The following RSRC1 variants were observed in gnomAD, a reference collection of about 807,000 sequenced individuals.
RSRC1 encodes serine/Arginine-related protein 53.
RSRC1 carries 39 observed loss-of-function variants against 49.1 expected under a neutral mutation model. The observed-to-expected ratio is 0.79, with a 90% CI of 0.61 to 1.04. RSRC1 has a LOEUF of 1.04. Among genes scored for constraint, RSRC1 ranks in the 50% least tolerant of loss-of-function variants. RSRC1 has a pLI of 0.00. For synonymous variants in RSRC1, 143 were observed against 130.8 expected (o/e 1.09, Z -0.63); for missense variants, 388 against 402.4 (o/e 0.96, Z 0.31).
chr3:158,392,434 A>G (rs1413835645), intron 6 of RSRC1, among the ~76,000 whole-genome samples: 2 of 152,080 alleles, frequency 1.3e-5, no homozygotes, highest in African/African-American at 2.4e-5. Context: ...CTAACATTAT[A>G]TGAGCTCCAT....
intron 4 of RSRC1, among the ~76,000 whole-genome samples, chr3:158,285,380 C>G (rs1726462191): frequency 6.6e-6 from 1 of 152,262 alleles, no homozygotes; most frequent in African/African-American, 2.4e-5. Context: ...AATGCGGGCT[C>G]TTTTTTGGTT....
intron 4 of RSRC1, among the ~76,000 whole-genome samples, chr3:158,250,481 T>C (rs752616300): frequency 6.6e-6 from 1 of 152,210 alleles, no homozygotes; most frequent in African/African-American, 2.4e-5. Context: ...GCATTTGTTA[T>C]TGTCTGTCTT....
intron 5 of RSRC1, among the ~76,000 whole-genome samples, chr3:158,321,582 A>G (rs1035230541): frequency 6.7e-6 from 1 of 150,182 alleles, no homozygotes; most frequent in Non-Finnish European, 1.5e-5. Context: ...TTTTAAACAC[A>G]CTATGTATTT....
At chr3:158,211,792 G>C (rs1721693550) in intron 4 of RSRC1, among the ~76,000 whole-genome samples, 1 of 147,162 alleles carries the variant, frequency 6.8e-6, no homozygotes, top group Non-Finnish European at 1.5e-5. Context: ...CAGAAGACTA[G>C]TACTATGTAG....
At chr3:158,316,457 T>C in intron 5 of RSRC1, among the ~76,000 whole-genome samples, 1 of 142,544 alleles carries the variant, frequency 7.0e-6, no homozygotes, top group East Asian at 2.1e-4. Context: ...TTTTTTTTTT[T>C]TTTTTTTGAG....
intron 5 of RSRC1, among the ~76,000 whole-genome samples, chr3:158,330,618 T>A (rs1255215701): frequency 6.6e-6 from 1 of 152,160 alleles, no homozygotes; most frequent in East Asian, 1.9e-4. Flanking sequence ...TTTAGGTTAT[T>A]TTTTGATCTT....
At chr3:158,282,030 T>TTGG (rs1333470506) in intron 4 of RSRC1, among the ~76,000 whole-genome samples, 2 of 152,176 alleles carry the variant, frequency 1.3e-5, no homozygotes, top group Non-Finnish European at 2.9e-5. Flanking sequence ...GTACACATAC[T>TTGG]TGGTACACAG....
At chr3:158,254,236 G>A (rs950656370) in intron 4 of RSRC1, among the ~76,000 whole-genome samples, 1 of 152,298 alleles carries the variant, frequency 6.6e-6, no homozygotes, top group Admixed American at 6.5e-5. Flanking sequence ...ACGTGTGCCT[G>A]TGTTTTTATA....
chr3:158,408,137 A>G (rs75100165), intron 6 of RSRC1, among the ~76,000 whole-genome samples: 8,170 of 152,282 alleles, frequency 0.054, 321 homozygotes, highest in South Asian at 0.1. Context: ...GCATTCCACC[A>G]GACACTTTTC....
chr3:158,455,138 A>G (rs1021295737), intron 6 of RSRC1, among the ~76,000 whole-genome samples: 6 of 152,148 alleles, frequency 3.9e-5, no homozygotes, highest in Non-Finnish European at 8.8e-5. Flanking sequence ...CCATGTTTGT[A>G]TAGTCATCTG....
At position 158,287,781 on chromosome 3, in the gene RSRC1, C is replaced by T. The variant is rs1272289207; in HGVS notation, c.495-10258C>T. ...TCATAAGAATTTCTGGAGGAAAAAA[C>T]AAGGACATATTGAAGCTATTATCTT... On this transcript the variant is annotated intron_variant, in intron 4 of 9. Coordinates refer to ENST00000611884, the MANE Select transcript of RSRC1 (RefSeq NM_001271838.2). Among the ~76,000 whole-genome samples the T allele has an allele frequency of 1.5e-4, 23 of 152,054 alleles. 1 individual carries two copies. Among genetic ancestry groups the T allele is most frequent in the Admixed American group, 1.4e-3 (21 of 15,268 alleles).
chr3:158,188,851 C>T (rs891857636), intron 3 of RSRC1, among the ~76,000 whole-genome samples: 2 of 151,718 alleles, frequency 1.3e-5, no homozygotes, highest in African/African-American at 4.8e-5. Context: ...TTATTTCTTT[C>T]CTTTAACCTT....
intron 3 of RSRC1, among the ~76,000 whole-genome samples, chr3:158,157,416 G>T (rs529921617): frequency 6.6e-6 from 1 of 152,260 alleles, no homozygotes; most frequent in African/African-American, 2.4e-5. Context: ...GAAGAGAAAC[G>T]TAGGAATATC....
chr3:158,285,430 G>A (rs1426922541), intron 4 of RSRC1, among the ~76,000 whole-genome samples: 2 of 152,190 alleles, frequency 1.3e-5, no homozygotes, highest in Non-Finnish European at 2.9e-5. Context: ...ATTCTGTGAA[G>A]AAAGTCATTG....
chr3:158,144,586 A>C (rs1455622822), intron 3 of RSRC1, among the ~76,000 whole-genome samples: 2 of 152,246 alleles, frequency 1.3e-5, no homozygotes, highest in East Asian at 3.8e-4. Flanking sequence ...ATAGTGCCGC[A>C]GTAAACATAC....
intron 6 of RSRC1, among the ~76,000 whole-genome samples, chr3:158,403,106 AT>A (rs1733978869): frequency 6.6e-6 from 1 of 151,828 alleles, no homozygotes. Flanking sequence ...CATTAGTGGT[AT>A]CTTTATAACC....
intron 6 of RSRC1, among the ~76,000 whole-genome samples, chr3:158,441,264 G>A (rs551108144): frequency 5.3e-5 from 8 of 152,098 alleles, no homozygotes; most frequent in Admixed American, 2.6e-4. Flanking sequence ...AGCATCTGTT[G>A]TTTAGCAATA....
chr3:158,196,460 A>T (rs1720623749), intron 3 of RSRC1, among the ~76,000 whole-genome samples: 1 of 152,130 alleles, frequency 6.6e-6, no homozygotes, highest in South Asian at 2.1e-4. Context: ...GGACAGTTTG[A>T]CTTCCTCTTT....
At chr3:158,417,987 C>G (rs1448847974) in intron 6 of RSRC1, among the ~76,000 whole-genome samples, 4 of 151,724 alleles carry the variant, frequency 2.6e-5, no homozygotes, top group African/African-American at 9.7e-5. Flanking sequence ...AGTTGATTGT[C>G]AAAGAGAACT....
Sources: allele counts gnomAD v4.1 joint callset (sites outside exome capture counted in the v4.1 genomes callset), GRCh38; gene constraint gnomAD v4.1.1; transcripts MANE v1.5; gene names NCBI Gene and HGNC (gene_info 2026-07-23, HGNC 2026-07-21).